Variants in GRIK4 observed in about 807,000 individuals in gnomAD.
GRIK4 encodes the protein glutamate ionotropic receptor kainate type subunit 4.
In GRIK4, 40 loss-of-function variants were observed where a neutral mutation model predicts 104.9. That is an observed-to-expected ratio of 0.38 (90% CI 0.30 to 0.50). The LOEUF is 0.50. GRIK4 is among the 20% of genes least tolerant of loss of function. The pLI, the probability that GRIK4 is intolerant of heterozygous loss-of-function variation, is 0.93. For missense variants in GRIK4, 1,047 were observed against 1,308.1 expected, an observed-to-expected ratio of 0.80 and a Z score of 3.08; for synonymous variants, 485 against 524.9, an observed-to-expected ratio of 0.92 and a Z score of 1.04.
intron 3 of GRIK4, among the ~76,000 whole-genome samples, chr11:120,758,330 G>A (rs956567265): frequency 1.3e-5 from 2 of 152,082 alleles, no homozygotes; most frequent in East Asian, 1.9e-4. Flanking sequence ...CTGCCTCTAC[G>A]TTTGTCTTTT....
At chr11:120,642,061 T>C (rs1306998916) in intron 1 of GRIK4, among the ~76,000 whole-genome samples, 1 of 152,192 alleles carries the variant, frequency 6.6e-6, no homozygotes, top group East Asian at 1.9e-4. Context: ...GTCCACTTTG[T>C]ATTGGGATTT....
chr11:120,801,035 A>C (rs1198161828), intron 3 of GRIK4, among the ~76,000 whole-genome samples: 1 of 152,158 alleles, frequency 6.6e-6, no homozygotes, highest in African/African-American at 2.4e-5. Context: ...TATTATCACA[A>C]TTTTAGGAAC....
chr11:120,596,665 A>G (rs943480797), intron 1 of GRIK4, among the ~76,000 whole-genome samples: 1 of 151,840 alleles, frequency 6.6e-6, no homozygotes, highest in African/African-American at 2.4e-5. Context: ...GAAGTAAGGG[A>G]GAGTATGTGT....
chr11:120,930,460 C>G (rs958878141), intron 13 of GRIK4, among the ~76,000 whole-genome samples: 9 of 152,170 alleles, frequency 5.9e-5, no homozygotes, highest in Admixed American at 1.3e-4. Context: ...TGGGAACTAT[C>G]ATTATCCCTA....
intron 3 of GRIK4, among the ~76,000 whole-genome samples, chr11:120,688,803 G>T (rs191549290): frequency 2.8e-4 from 42 of 152,330 alleles, no homozygotes; most frequent in African/African-American, 9.1e-4. Context: ...AGATGTAAGA[G>T]AGAGGTTGAA....
intron 3 of GRIK4, among the ~76,000 whole-genome samples, chr11:120,697,744 T>C (rs189633081): frequency 1.3e-5 from 2 of 152,286 alleles, no homozygotes; most frequent in East Asian, 3.9e-4. Context: ...TCCGGGTGTG[T>C]TGGCCTCTGC....
At chr11:120,706,950 T>C (rs1360697136) in intron 3 of GRIK4, among the ~76,000 whole-genome samples, 1 of 152,168 alleles carries the variant, frequency 6.6e-6, no homozygotes, top group African/African-American at 2.4e-5. Flanking sequence ...TGTGACCTGA[T>C]ACCATGTCAG....
intron 3 of GRIK4, among the ~76,000 whole-genome samples, chr11:120,688,208 CCTT>C (rs1486477928): frequency 6.6e-6 from 1 of 152,202 alleles, no homozygotes; most frequent in Admixed American, 6.5e-5. Context: ...CCTCTCCCAT[CCTT>C]CTTGCTCCAG....
rs1221078288 is a variant in GRIK4, at chr11:120,953,208, C to T, written c.1700+244C>T. 2.0e-5 allele frequency among the ~76,000 whole-genome samples: 3 copies of T among 152,158 alleles called. No individual in the cohort carries two copies. Among genetic ancestry groups the T allele is most frequent in the Admixed American group, 1.3e-4 (2 of 15,270 alleles). On this transcript the variant is annotated intron_variant, in intron 15 of 20. Transcript: ENST00000527524. This position sits in a 1 kb window ranked among gnomAD's most constrained non-coding sequence, Gnocchi z 4.9. ...GCAGACAGGTGGCTTGGCTTCTGCA[C>T]CTCTGCCTCCTGTCCCCTCCCACTT...
chr11:120,592,112 T>G (rs1235456750), intron 1 of GRIK4, among the ~76,000 whole-genome samples: 1 of 152,202 alleles, frequency 6.6e-6, no homozygotes, highest in African/African-American at 2.4e-5. Context: ...AGAAAAAGAT[T>G]TGCTGCTGGG....
chr11:120,897,601 C>CAGAAAAAAAAAAAAAAAA (rs1942617819), intron 11 of GRIK4, among the ~76,000 whole-genome samples: 1 of 13,066 alleles, frequency 7.7e-5, no homozygotes, highest in Non-Finnish European at 1.7e-4. Context: ...GACTCCTTCT[C>CAGAAAAAAAAAAAAAAAA]AAAAAAAAAA....
chr11:120,759,245 T>C (rs974230722), intron 3 of GRIK4, among the ~76,000 whole-genome samples: 2 of 152,140 alleles, frequency 1.3e-5, no homozygotes, highest in Non-Finnish European at 2.9e-5. Context: ...AAGCTTTTGG[T>C]TGCAAGTCAC....
intron 3 of GRIK4, among the ~76,000 whole-genome samples, chr11:120,671,909 CA>C (rs1295716150): frequency 6.6e-6 from 1 of 152,078 alleles, no homozygotes; most frequent in Non-Finnish European, 1.5e-5. Context: ...TTGTTTTTGC[CA>C]GGTTTGTCAA....
intron 4 of GRIK4, among the ~76,000 whole-genome samples, chr11:120,813,834 A>T (rs1287077137): frequency 6.6e-6 from 1 of 152,218 alleles, no homozygotes; most frequent in Non-Finnish European, 1.5e-5. Flanking sequence ...AGTAGGAAGA[A>T]AATACATATG....
intron 1 of GRIK4, among the ~76,000 whole-genome samples, chr11:120,541,920 A>T (rs984802780): frequency 7.9e-5 from 12 of 152,018 alleles, no homozygotes; most frequent in Non-Finnish European, 1.6e-4. Flanking sequence ...TGTAATCCAT[A>T]TCAAAATTCC....
intron 3 of GRIK4, among the ~76,000 whole-genome samples, chr11:120,719,852 G>A (rs1008334968): frequency 5.9e-5 from 9 of 152,154 alleles, no homozygotes; most frequent in South Asian, 2.1e-4. Flanking sequence ...CACTTCTACC[G>A]CAGAGCATTT....
intron 3 of GRIK4, among the ~76,000 whole-genome samples, chr11:120,701,809 G>A (rs1431621531): frequency 6.6e-6 from 1 of 152,268 alleles, no homozygotes; most frequent in Middle Eastern, 3.4e-3. Flanking sequence ...GAGGTTGCTG[G>A]CTTGTCCAGG....
chr11:120,914,766 G>A (rs1565436096), intron 13 of GRIK4, among the ~76,000 whole-genome samples: 1 of 152,164 alleles, frequency 6.6e-6, no homozygotes, highest in Admixed American at 6.5e-5. Context: ...TGGTTTGTTT[G>A]TTTTATTCAA....
chr11:120,788,789 C>A (rs1004327768), intron 3 of GRIK4, among the ~76,000 whole-genome samples: 6 of 151,722 alleles, frequency 4.0e-5, no homozygotes, highest in South Asian at 4.2e-4. Context: ...TGCTTCCCCC[C>A]ACCGATTGTC....
Sources: gnomAD v4.1 joint callset for allele counts (sites outside exome capture counted in the v4.1 genomes callset) on GRCh38, gnomAD v4.1.1 for gene constraint, Gnocchi (gnomAD v3.1) non-coding constraint, MANE v1.5 for transcripts, NCBI Gene and HGNC (gene_info 2026-07-23, HGNC 2026-07-21) for gene names.